HEATR5B: variants seen among roughly 807,000 people sequenced by gnomAD.
HEATR5B encodes the protein HEAT repeat containing 5B.
In HEATR5B, 156 loss-of-function variants were observed where a neutral mutation model predicts 224.1. The observed-to-expected ratio is 0.70, with a 90% confidence interval of 0.61 to 0.80. The LOEUF (loss-of-function observed/expected upper bound fraction) is 0.80. HEATR5B is among the 30% of genes least tolerant of loss of function. HEATR5B has a pLI of 0.00. For synonymous variants in HEATR5B, 1,027 were observed against 893.0 expected (o/e 1.15, Z -2.68); for missense variants, 2,323 against 2,535.5 (o/e 0.92, Z 1.80).
intron 15 of HEATR5B, 106 bp from the exon 16 acceptor site, chr2:37,056,721 A>C (rs1670934743): frequency 1.1e-6 from 1 of 909,024 alleles, no homozygotes; most frequent in Admixed American, 3.3e-5. Flanking sequence ...AAAAGGCAAC[A>C]AAAAAAGAAT....
chr2:37,057,166 T>G, intron 15 of HEATR5B, 151 bp downstream of exon 15: 1 of 497,208 alleles, frequency 2.0e-6, no homozygotes, highest in Non-Finnish European at 3.3e-6. Flanking sequence ...CTTTTTTCAC[T>G]ATCTACCACC....
intron 35 of HEATR5B, among the ~76,000 whole-genome samples, chr2:36,985,352 C>G (rs907093791): frequency 1.3e-5 from 2 of 151,810 alleles, no homozygotes; most frequent in African/African-American, 4.8e-5. Context: ...AGGCAAACTG[C>G]TTATTCTACC....
At chr2:37,040,905 T>TA (rs1342540535) in intron 19 of HEATR5B, 1 of 475,738 alleles carries the variant, frequency 2.1e-6, no homozygotes, top group African/African-American at 2.0e-5. Flanking sequence ...TAATACACAA[T>TA]AAAAAGAAAA....
chr2:37,078,706 C>A (rs1300402387), intron 3 of HEATR5B, among the ~76,000 whole-genome samples: 1 of 152,156 alleles, frequency 6.6e-6, no homozygotes, highest in East Asian at 1.9e-4. Context: ...CTCTCCATTT[C>A]CTCTGTAAGC....
chr2:37,017,837 T>C (rs1046330224), intron 26 of HEATR5B, among the ~76,000 whole-genome samples: 5 of 152,082 alleles, frequency 3.3e-5, no homozygotes. Flanking sequence ...GATTGGTGAA[T>C]GAATGTACAT....
chr2:37,005,179 C>T (rs545908258), intron 30 of HEATR5B, among the ~76,000 whole-genome samples: 3 of 152,220 alleles, frequency 2.0e-5, no homozygotes, highest in South Asian at 2.1e-4. Flanking sequence ...TTGAACTTGC[C>T]GTGTTCTCTC....
In HEATR5B at chr2:37,056,448, A is replaced by G; in HGVS notation, c.2391T>C (p.Tyr797=). ...LFGVVFPHVS[Y]KHRLQMLDHF... is the part of the protein sequence containing the mutation. ...ATTGACTTTATACTAACCGGTGTTT[A>G]TAAGAAACATGAGGAAACACTACAC... is the stretch of plus-strand genomic sequence containing the variant. Residue 797 remains tyrosine, a synonymous_variant, in exon 16 of 36, where the codon TAT becomes TAC. Coordinates refer to ENST00000233099, the MANE Select transcript of HEATR5B (RefSeq NM_019024.3). 2 of 1,598,030 alleles carry G rather than the reference A, an allele frequency of 1.3e-6. No homozygotes were observed. The highest frequency in any genetic ancestry group is 8.5e-7 in the Non-Finnish European group (1 of 1,175,100).
intron 32 of HEATR5B, among the ~76,000 whole-genome samples, chr2:37,001,684 T>C (rs563773797): frequency 2.6e-4 from 40 of 152,070 alleles, no homozygotes; most frequent in African/African-American, 8.9e-4. Context: ...TTTTTTTTTT[T>C]TGAGAGTCTT....
At chr2:37,038,531 C>G (rs189492629) in intron 20 of HEATR5B, among the ~76,000 whole-genome samples, 7 of 152,310 alleles carry the variant, frequency 4.6e-5, no homozygotes, top group Non-Finnish European at 7.3e-5. Flanking sequence ...ATCATTATCA[C>G]TTTTGAAAAT....
At chr2:37,040,967 C>CT in intron 19 of HEATR5B, 166 bp downstream of exon 19, 1 of 584,894 alleles carries the variant, frequency 1.7e-6, no homozygotes, top group African/African-American at 1.9e-5. Flanking sequence ...ATAAGACAGA[C>CT]TTTAAGACTA....
Position 37,053,571 on chromosome 2 carries a change from T to C in HEATR5B, c.2436A>G (p.Lys812=), listed in dbSNP as rs767875850. The C allele has an allele frequency of 6.2e-7, 1 of 1,607,704 alleles. No homozygotes were observed. The highest frequency in any genetic ancestry group is 1.1e-5 in the South Asian group (1 of 90,420). ...QMLDHFAECV[K]QAKGVRQQAV... is the part of the protein sequence containing the mutation. ...CCTGCTGGCGGACACCTTTAGCTTGTTTAACACATTCAGCAAAGTGATCCA... is the reference window on the plus strand; with the variant it reads ...CCTGCTGGCGGACACCTTTAGCTTGCTTAACACATTCAGCAAAGTGATCCA... The change falls in exon 17 of 36, where the codon AAA becomes AAG. Residue 812 remains lysine (K), a synonymous_variant. Transcript: ENST00000233099.
At position 37,057,415 on chromosome 2, in the gene HEATR5B, T is replaced by C. The variant is rs759314921; in HGVS notation, c.2125A>G (p.Thr709Ala). ...AGGGATCTGAGGAGGGAAGTAGTTG[T>C]GTTGGCTGAGTTGTCAGTCAAAGTG... ...EFTLTDNSAN[T>A]TTSLLRSLCH... The change falls in exon 15 of 36, where the codon ACA becomes GCA. Residue 709 changes from threonine to alanine, a missense_variant. This residue lies in a region of HEATR5B where 502 missense variants were observed against 517.8 expected (regional missense o/e 0.97). Coordinates refer to ENST00000233099, the MANE Select transcript of HEATR5B (RefSeq NM_019024.3). 1 of 1,611,878 alleles carries C rather than the reference T, an allele frequency of 6.2e-7. No individual in the cohort carries two copies. The highest frequency in any genetic ancestry group is 8.5e-7 in the Non-Finnish European group (1 of 1,179,000).
chr2:37,053,626 A>G lies in HEATR5B; in HGVS notation c.2400-19T>C, dbSNP rs1267346021. On this transcript the variant is annotated intron_variant, in intron 16 of 35. Transcript: ENST00000233099. The stretch of plus-strand genomic sequence containing the variant: ...TTGTAATCTATAACAATAAGAAAAA[A>G]AAATCACATTAGTGACAAATTTTAT... 1 of 1,493,658 alleles carries G rather than the reference A, an allele frequency of 6.7e-7. No homozygotes were observed. Among genetic ancestry groups the G allele is most frequent in the Admixed American group, 1.8e-5 (1 of 55,272 alleles). The allele number at this position is 1,493,658 out of a possible 1,614,324, so 92.5% of individuals were successfully genotyped here. A position where few individuals can be genotyped will look rare whatever the true frequency, so the allele number is the denominator to read the frequency against.
intron 26 of HEATR5B, among the ~76,000 whole-genome samples, chr2:37,015,917 A>G (rs973365962): frequency 6.6e-6 from 1 of 152,210 alleles, no homozygotes; most frequent in African/African-American, 2.4e-5. Context: ...CCTTAAAGCC[A>G]GACCAGATGG....
At position 37,065,896 on chromosome 2, in the gene HEATR5B, C is replaced by T; in HGVS notation, c.1192G>A (p.Asp398Asn). 3 of 1,608,752 alleles carry T rather than the reference C, an allele frequency of 1.9e-6. No homozygotes were observed. The highest frequency in any genetic ancestry group is 2.6e-6 in the Non-Finnish European group (3 of 1,175,948). The change falls in exon 9 of 36, where the codon GAC (aspartate) becomes AAC (asparagine). Residue 398 changes from aspartate to asparagine, a missense_variant. This residue lies in a region of HEATR5B where 502 missense variants were observed against 517.8 expected (regional missense o/e 0.97). Coordinates refer to ENST00000233099, the MANE Select transcript of HEATR5B (RefSeq NM_019024.3). ...CCAGATTTGTTTTCTCCACTTGTGTCATTCACTACTGCTTCTGGAAACACA... is the reference window on the plus strand; with the variant it reads ...CCAGATTTGTTTTCTCCACTTGTGTTATTCACTACTGCTTCTGGAAACACA... ...QMKAVEAVVNDTSGENKSGAA... is the reference protein window; with the variant it reads ...QMKAVEAVVNNTSGENKSGAA...
chr2:37,040,395 C>G lies in HEATR5B; in HGVS notation c.2980G>C (p.Glu994Gln). The part of the protein sequence containing the change: ...LLLTVPPSHT[E>Q]VHQCLGRCLG... ...CATCGACCCAAACACTGATGAACTT[C>G]TGTATGTGAAGGCGGAACTGTCAAC... Residue 994 changes from glutamate to glutamine, a missense_variant, in exon 20 of 36, where the codon GAA (glutamate) becomes CAA (glutamine). By Grantham distance (29) the Glu-to-Gln change is conservative. This residue lies in a region of HEATR5B where 22 missense variants were observed against 46.9 expected (regional missense o/e 0.47). Transcript: ENST00000233099. The G allele has an allele frequency of 6.2e-7, 1 of 1,614,042 alleles. No individual in the cohort carries two copies. The highest frequency in any genetic ancestry group is 1.1e-5 in the South Asian group (1 of 91,058).
chr2:36,999,746 C>G (rs1466844792), intron 33 of HEATR5B, among the ~76,000 whole-genome samples: 1 of 151,470 alleles, frequency 6.6e-6, no homozygotes, highest in African/African-American at 2.4e-5. Flanking sequence ...GGTGCGGTAG[C>G]TCACGTCTGT....
chr2:37,005,603 C>G, intron 30 of HEATR5B, 29 bp downstream of exon 30: 3 of 1,600,576 alleles, frequency 1.9e-6, no homozygotes, highest in Admixed American at 1.7e-5. Flanking sequence ...AAAAACCACA[C>G]AAGTATCTAT....
rs146112658 is a variant in HEATR5B, at chr2:37,079,268, G to A, written c.190C>T (p.Pro64Ser). The A allele has an allele frequency of 1.7e-5, 27 of 1,612,826 alleles. No individual in the cohort carries two copies. The highest frequency in any genetic ancestry group is 1.2e-4 in the Admixed American group (7 of 59,994). ...EQLTGLISSS[P>S]GPPTRKLLAK... Reference sequence around the variant, plus strand: ...AATAATTTTCGTGTAGGTGGTCCAGGTGAACTACTTATTAATCCAGTTAAT... The same window carrying A: ...AATAATTTTCGTGTAGGTGGTCCAGATGAACTACTTATTAATCCAGTTAAT... The change falls in exon 3 of 36, where the codon CCT (proline) becomes TCT (serine). Residue 64 changes from proline to serine, a missense_variant. By Grantham distance (74) the Pro-to-Ser change is moderately conservative. Transcript: ENST00000233099.
Sources: allele counts gnomAD v4.1 joint callset (sites outside exome capture counted in the v4.1 genomes callset), GRCh38; gene constraint gnomAD v4.1.1; regional missense constraint gnomAD v4.1.1; transcripts MANE v1.5; gene names NCBI Gene and HGNC (gene_info 2026-07-23, HGNC 2026-07-21).